COL24A1: variants seen among roughly 807,000 people sequenced by gnomAD.
COL24A1 encodes collagen type XXIV alpha 1 chain, also known as collagen alpha-1(XXIV) chain.
In COL24A1, 224 loss-of-function variants were observed where a neutral mutation model predicts 253.9. The observed-to-expected ratio is 0.88, with a 90% CI of 0.79 to 0.99. The LOEUF is 0.99. Among genes scored for constraint, COL24A1 ranks in the 50% least tolerant of loss-of-function variants. The probability of loss-of-function intolerance (pLI) is 0.00; values close to 1 mark genes in which losing one functional copy is unlikely to be tolerated. For missense variants in COL24A1, 2,131 were observed against 2,068.5 expected (o/e 1.03, Z -0.59); for synonymous variants, 685 against 673.7 (o/e 1.02, Z -0.26).
At chr1:85,913,700 G>A (rs1419967796) in intron 24 of COL24A1, among the ~76,000 whole-genome samples, 1 of 152,198 alleles carries the variant, frequency 6.6e-6, no homozygotes, top group Non-Finnish European at 1.5e-5. Flanking sequence ...CACAATGGAG[G>A]TAAGGAAGAG....
chr1:85,869,307 T>C (rs1029303295), intron 35 of COL24A1, among the ~76,000 whole-genome samples: 17 of 151,906 alleles, frequency 1.1e-4, no homozygotes, highest in Admixed American at 7.9e-4. Context: ...GAGGTAAAGA[T>C]TAAGGCTCTG....
rs116045312 is a variant in COL24A1 at position 85,966,184 on chromosome 1, G to A, written c.2464-1122C>T. 7.7e-3 allele frequency among the ~76,000 whole-genome samples: 1,167 copies of A among 152,238 alleles called. 12 individuals are homozygous for A. The highest frequency in any genetic ancestry group is 0.027 in the Middle Eastern group (8 of 294). ...ACTGCTGGCGGGTCATGTGTGAAAC[G>A]TGGGAGAAAGAGAAGACTCAAAAAT... On this transcript the variant is annotated intron_variant, in intron 22 of 59. Transcript: ENST00000370571.
chr1:86,002,139 G>A (rs1478110331), intron 19 of COL24A1, among the ~76,000 whole-genome samples: 2 of 152,214 alleles, frequency 1.3e-5, no homozygotes, highest in Non-Finnish European at 2.9e-5. Flanking sequence ...TATTCCCATA[G>A]GTGGATCTTT....
chr1:85,783,052 C>T (rs972984319), intron 51 of COL24A1, among the ~76,000 whole-genome samples: 1 of 152,172 alleles, frequency 6.6e-6, no homozygotes, highest in African/African-American at 2.4e-5. Context: ...TCATCACTCT[C>T]TTGGGATACC....
chr1:86,130,927 TATC>T (rs1649073366), intron 2 of COL24A1, among the ~76,000 whole-genome samples: 1 of 152,040 alleles, frequency 6.6e-6, no homozygotes, highest in African/African-American at 2.4e-5. Context: ...GGCTGAAGTT[TATC>T]CTCTATTAGT....
At chr1:85,924,374 G>C (rs1224979797) in intron 24 of COL24A1, among the ~76,000 whole-genome samples, 4 of 152,080 alleles carry the variant, frequency 2.6e-5, no homozygotes, top group African/African-American at 9.7e-5. Context: ...CAAAAAAAGA[G>C]AATTTTAGAC....
intron 47 of COL24A1, among the ~76,000 whole-genome samples, chr1:85,797,910 C>T (rs1671002512): frequency 6.6e-6 from 1 of 151,978 alleles, no homozygotes; most frequent in Admixed American, 6.6e-5. Flanking sequence ...AAGTATAAAC[C>T]AGCCGAGCAT....
chr1:85,929,874 T>C (rs1687645039), intron 24 of COL24A1, among the ~76,000 whole-genome samples: 2 of 144,266 alleles, frequency 1.4e-5, no homozygotes, highest in South Asian at 4.8e-4. Context: ...AAAGATGTTC[T>C]TTGAAACCAA....
chr1:85,983,419 T>C (rs886396518), intron 20 of COL24A1, among the ~76,000 whole-genome samples: 9 of 152,066 alleles, frequency 5.9e-5, no homozygotes, highest in African/African-American at 2.2e-4. Flanking sequence ...AGAACTATAA[T>C]TAACACAAGT....
intron 10 of COL24A1, among the ~76,000 whole-genome samples, chr1:86,052,715 GT>G (rs1346063110): frequency 6.6e-6 from 1 of 151,740 alleles, no homozygotes; most frequent in Non-Finnish European, 1.5e-5. Flanking sequence ...CTTTAAGAGG[GT>G]TTATACATGG....
chr1:86,107,243 G>A (rs1006248065), intron 5 of COL24A1, among the ~76,000 whole-genome samples: 1 of 152,044 alleles, frequency 6.6e-6, no homozygotes, highest in African/African-American at 2.4e-5. Flanking sequence ...TTGGTTAAGC[G>A]CTTACTGCTC....
chr1:86,099,922 C>T (rs1005995055), intron 5 of COL24A1, among the ~76,000 whole-genome samples: 31 of 152,146 alleles, frequency 2.0e-4, no homozygotes, highest in African/African-American at 7.5e-4. Context: ...TAAAATCCGA[C>T]CAAAATCTTT....
At chr1:86,026,787 G>A (rs531123045) in intron 14 of COL24A1, among the ~76,000 whole-genome samples, 2 of 152,282 alleles carry the variant, frequency 1.3e-5, no homozygotes, top group African/African-American at 4.8e-5. Flanking sequence ...ACAGTGTGGA[G>A]GGCTCAGAAG....
intron 7 of COL24A1, among the ~76,000 whole-genome samples, chr1:86,069,888 C>T (rs12566718): frequency 0.12 from 18,459 of 152,204 alleles, 1,295 homozygotes; most frequent in Middle Eastern, 0.23. Flanking sequence ...ATGAAGACTA[C>T]AACAAATACC....
chr1:85,734,636 C>T, intron 59 of COL24A1, 113 bp downstream of exon 59: 1 of 896,618 alleles, frequency 1.1e-6, no homozygotes, highest in Non-Finnish European at 1.8e-6. Context: ...AACTTACTAC[C>T]CTTCTGTATC....
chr1:85,980,800 T>C (rs1277309800), intron 20 of COL24A1, among the ~76,000 whole-genome samples: 1 of 152,052 alleles, frequency 6.6e-6, no homozygotes, highest in African/African-American at 2.4e-5. Context: ...TCCCAGCTAC[T>C]TGAGAGGCTA....
At chr1:85,810,580 G>C (rs148042562) in intron 47 of COL24A1, among the ~76,000 whole-genome samples, 99 of 152,216 alleles carry the variant, frequency 6.5e-4, no homozygotes, top group Admixed American at 1.4e-3. Flanking sequence ...TGCAGGAGGT[G>C]GGGGCTGGGG....
chr1:86,033,728 C>G lies in COL24A1; in HGVS notation c.2004+142G>C, dbSNP rs897906461. 5 of 666,746 alleles carry G rather than the reference C, an allele frequency of 7.5e-6. No individual in the cohort carries two copies. The African/African-American group carries it at 9.7e-5, about 13-fold the overall frequency. The allele number at this position is 666,746 out of a possible 1,614,324, so 41.3% of individuals were successfully genotyped here. ...GTTAATTTCCTAAGCTGAAAAATCA[C>G]AAACTGGAATGTGCACAGTGGTGTG... On this transcript the variant is annotated intron_variant, in intron 13 of 59. Coordinates refer to ENST00000370571, the MANE Select transcript of COL24A1 (RefSeq NM_152890.7).
chr1:86,156,087 C>A (rs1036311019), intron 1 of COL24A1: 3 of 377,698 alleles, frequency 7.9e-6, no homozygotes, highest in Admixed American at 4.7e-5. Context: ...CTCGCGCCAG[C>A]GAGCTTTTCC....
Sources: gnomAD v4.1 joint callset for allele counts (sites outside exome capture counted in the v4.1 genomes callset) on GRCh38, gnomAD v4.1.1 for gene constraint, MANE v1.5 for transcripts, NCBI Gene and HGNC (gene_info 2026-07-23, HGNC 2026-07-21) for gene names.